PTPRD: variants seen among roughly 807,000 people sequenced by gnomAD.
The protein encoded by PTPRD is receptor-type tyrosine-protein phosphatase delta.
Under a neutral mutation model 214.5 loss-of-function variants are expected in PTPRD, and 34 were observed. The ratio of observed to expected loss-of-function variants is 0.16; its 90% CI spans 0.12 to 0.21. The LOEUF (loss-of-function observed/expected upper bound fraction) is 0.21, where lower values mean the gene tolerates loss of function less well. PTPRD is among the 10% of genes least tolerant of loss of function. The probability of loss-of-function intolerance (pLI) is 1.00; values close to 1 mark genes in which losing one functional copy is unlikely to be tolerated. For missense variants in PTPRD, 2,545 were observed against 2,398.7 expected (o/e 1.06, Z -1.27); for synonymous variants, 1,128 against 845.7 (o/e 1.33, Z -5.79).
intron 5 of PTPRD, among the ~76,000 whole-genome samples, chr9:9,846,749 AG>A (rs1281307485): frequency 1.3e-5 from 2 of 152,156 alleles, no homozygotes; most frequent in African/African-American, 2.4e-5. Context: ...GAAAGGTATT[AG>A]TGCTGACACT....
At chr9:8,426,638 G>GA (rs912263550) in intron 35 of PTPRD, among the ~76,000 whole-genome samples, 6 of 151,902 alleles carry the variant, frequency 3.9e-5, no homozygotes, top group Middle Eastern at 3.4e-3. Flanking sequence ...CAACGACTGA[G>GA]AAAAAATGAA....
intron 34 of PTPRD, chr9:8,437,177 G>A (rs372494787): frequency 6.0e-6 from 9 of 1,504,506 alleles, no homozygotes; most frequent in Admixed American, 2.1e-5. Flanking sequence ...AATGACTTAT[G>A]CATAATCAAG....
chr9:9,987,589 G>C (rs1024623340), intron 4 of PTPRD, among the ~76,000 whole-genome samples: 1 of 152,126 alleles, frequency 6.6e-6, no homozygotes, highest in Non-Finnish European at 1.5e-5. Flanking sequence ...GGAGCTACGA[G>C]ATGAGATTTG....
At chr9:9,415,430 C>T (rs1027387908) in intron 8 of PTPRD, among the ~76,000 whole-genome samples, 7 of 151,922 alleles carry the variant, frequency 4.6e-5, no homozygotes, top group African/African-American at 9.7e-5. Context: ...GCCAAGAATG[C>T]GCCACTGCAC....
intron 4 of PTPRD, among the ~76,000 whole-genome samples, chr9:9,942,891 A>G (rs1285924649): frequency 2.1e-5 from 3 of 142,132 alleles, no homozygotes; most frequent in Admixed American, 6.9e-5. Context: ...CATTGCTCTG[A>G]GTTGTTTTTT....
intron 9 of PTPRD, among the ~76,000 whole-genome samples, chr9:9,236,029 T>G (rs1006187238): frequency 2.6e-5 from 4 of 152,048 alleles, no homozygotes; most frequent in Non-Finnish European, 4.4e-5. Flanking sequence ...TTTGGGAGGC[T>G]GAGGCAGGTG....
chr9:9,520,045 A>G (rs532457907), intron 8 of PTPRD, among the ~76,000 whole-genome samples: 2 of 152,110 alleles, frequency 1.3e-5, no homozygotes, highest in South Asian at 4.1e-4. Context: ...GGTACTTCAA[A>G]ACATTGGTAG....
At chr9:10,415,206 T>C (rs1254050453) in intron 2 of PTPRD, among the ~76,000 whole-genome samples, 1 of 151,820 alleles carries the variant, frequency 6.6e-6, no homozygotes, top group Non-Finnish European at 1.5e-5. Flanking sequence ...CCTCACAATG[T>C]TGCTGTAAAG....
chr9:10,086,177 A>G (rs1567589337), intron 3 of PTPRD, among the ~76,000 whole-genome samples: 1 of 151,856 alleles, frequency 6.6e-6, no homozygotes, highest in Non-Finnish European at 1.5e-5. Flanking sequence ...GTGAAAATGC[A>G]AAGTCTAATA....
intron 9 of PTPRD, among the ~76,000 whole-genome samples, chr9:9,213,994 G>C (rs1412773571): frequency 1.3e-5 from 2 of 152,042 alleles, no homozygotes; most frequent in Admixed American, 1.3e-4. Context: ...TAATAAGAAT[G>C]ATAGCAAATA....
At chr9:9,218,603 CAT>C (rs1207414244) in intron 9 of PTPRD, among the ~76,000 whole-genome samples, 3 of 152,080 alleles carry the variant, frequency 2.0e-5, no homozygotes, top group Non-Finnish European at 2.9e-5. Flanking sequence ...CCTTTGGTAA[CAT>C]ATATAATAGG....
chr9:8,801,683 T>C (rs948553066), intron 11 of PTPRD, among the ~76,000 whole-genome samples: 3 of 152,158 alleles, frequency 2.0e-5, no homozygotes, highest in Non-Finnish European at 4.4e-5. Context: ...CTCACTGCAC[T>C]CCAGCCTGGG....
intron 14 of PTPRD, among the ~76,000 whole-genome samples, chr9:8,546,589 C>A (rs531832381): frequency 6.6e-4 from 100 of 152,042 alleles, no homozygotes; most frequent in African/African-American, 2.3e-3. Context: ...ACCTCTGCCT[C>A]CCAGTTTCAA....
chr9:8,403,380 A>G (rs1225536409), intron 36 of PTPRD, among the ~76,000 whole-genome samples: 2 of 152,236 alleles, frequency 1.3e-5, no homozygotes, highest in Non-Finnish European at 2.9e-5. Context: ...TGAAGAGGCC[A>G]TAAAACTCTT....
At chr9:8,804,363 G>C (rs115773698) in intron 11 of PTPRD, among the ~76,000 whole-genome samples, 1 of 151,898 alleles carries the variant, frequency 6.6e-6, no homozygotes, top group Non-Finnish European at 1.5e-5. Context: ...TTTGGGAACC[G>C]AGAGCAGGAG....
intron 5 of PTPRD, among the ~76,000 whole-genome samples, chr9:9,792,878 A>G (rs2098977105): frequency 6.6e-6 from 1 of 152,162 alleles, no homozygotes; most frequent in African/African-American, 2.4e-5. Flanking sequence ...ACTCTGAAAC[A>G]TTTGTCATAT....
chr9:9,406,436 C>T (rs911762715), intron 8 of PTPRD, among the ~76,000 whole-genome samples: 1 of 151,766 alleles, frequency 6.6e-6, no homozygotes, highest in Non-Finnish European at 1.5e-5. Flanking sequence ...AAATGTGAGC[C>T]TTCAAGAAAT....
chr9:8,692,140 TTACA>T, intron 12 of PTPRD, among the ~76,000 whole-genome samples: 1 of 152,314 alleles, frequency 6.6e-6, no homozygotes, highest in African/African-American at 2.4e-5. Context: ...AGATTTTCAC[TTACA>T]TAGATTAGTA....
At chr9:9,611,989 G>A (rs2094538135) in intron 7 of PTPRD, among the ~76,000 whole-genome samples, 1 of 151,736 alleles carries the variant, frequency 6.6e-6, no homozygotes, top group African/African-American at 2.4e-5. Context: ...ATTTTTTAGT[G>A]TAAAATTAGA....
Sources: allele counts gnomAD v4.1 joint callset (sites outside exome capture counted in the v4.1 genomes callset), GRCh38; gene constraint gnomAD v4.1.1; transcripts MANE v1.5; gene names NCBI Gene and HGNC (gene_info 2026-07-23, HGNC 2026-07-21).